The following OR13G1 variants were observed in gnomAD, a reference collection of about 807,000 sequenced individuals.
OR13G1 encodes the protein olfactory receptor family 13 subfamily G member 1.
For synonymous variants in OR13G1, 128 were observed against 136.2 expected, an observed-to-expected ratio of 0.94 and a Z score of 0.42; for missense variants, 369 against 385.7, an observed-to-expected ratio of 0.96 and a Z score of 0.36.
rs750215325 is a variant in OR13G1 at position 247,672,238 on chromosome 1, G to T, written c.804C>A (p.Asp268Glu). 5.6e-6 allele frequency: 9 copies of T among 1,613,940 alleles called. No individual in the cohort carries two copies. Among genetic ancestry groups the T allele is most frequent in the Admixed American group, 1.7e-5 (1 of 59,986 alleles). ...GAGTATAGAGTGCAGCTACCACCTT[G>T]TCTCTTTCAAATGTATAGCTGGAAG... is the stretch of plus-strand genomic sequence containing the variant. ...RPASSYTFERDKVVAALYTLV... is the reference protein window; with the variant it reads ...RPASSYTFEREKVVAALYTLV... Residue 268 changes from aspartate to glutamate, a missense_variant, in exon 2 of 2, where the codon GAC becomes GAA. Transcript: ENST00000642119.
intron 1 of OR13G1, among the ~76,000 whole-genome samples, chr1:247,674,149 C>T (rs781026342): frequency 3.3e-5 from 5 of 152,320 alleles, no homozygotes; most frequent in Admixed American, 1.3e-4. Context: ...GCAGGGATTA[C>T]AGGCATGAGC....
chr1:247,672,222 G>T lies in OR13G1; in HGVS notation c.820C>A (p.Leu274Ile). The change falls in exon 2 of 2, where the codon CTC (leucine) becomes ATC (isoleucine). Residue 274 changes from leucine (L) to isoleucine (I), a missense_variant. Physicochemically the swap from Leu to Ile is conservative, Grantham distance 5. Coordinates refer to ENST00000642119, the MANE Select transcript of OR13G1 (RefSeq NM_001005487.2). ...TFERDKVVAA[L>I]YTLVTPTLNP... ...AATGTGGGAGTCACAAGAGTATAGA[G>T]TGCAGCTACCACCTTGTCTCTTTCA... The T allele has an allele frequency of 6.2e-7, 1 of 1,614,076 alleles. No individual in the cohort carries two copies.
intron 1 of OR13G1, among the ~76,000 whole-genome samples, chr1:247,678,329 T>C (rs1659392685): frequency 6.6e-6 from 1 of 152,200 alleles, no homozygotes. Flanking sequence ...CATTACATCA[T>C]TATCATCATC....
intron 1 of OR13G1, among the ~76,000 whole-genome samples, 126 bp downstream of exon 1, chr1:247,679,486 TTGTGTGTGTGTGTGTGTGTGTGTGTGTG>T (rs56753299): frequency 1.2e-4 from 17 of 144,520 alleles, no homozygotes; most frequent in Non-Finnish European, 2.0e-4. Context: ...CGCGGATGGA[TTGTGTGTGTGTGTGTGTGTGTGTGTGTG>T]TGTGTGTGTG....
intron 1 of OR13G1, among the ~76,000 whole-genome samples, chr1:247,676,354 A>G (rs1024877376): frequency 6.6e-6 from 1 of 152,156 alleles, no homozygotes; most frequent in African/African-American, 2.4e-5. Flanking sequence ...GTTTTTTACT[A>G]TTTAATGGAA....
chr1:247,673,271 T>C lies in OR13G1; in HGVS notation c.-230A>G, dbSNP rs1370908010. 3 of 489,682 alleles carry C rather than the reference T, an allele frequency of 6.1e-6. No individual in the cohort carries two copies. Among genetic ancestry groups the C allele is most frequent in the Non-Finnish European group, 1.1e-5 (3 of 278,802 alleles). The allele number at this position is 489,682 out of a possible 1,614,324, so 30.3% of individuals were successfully genotyped here. A position where few individuals can be genotyped will look rare whatever the true frequency, so the allele number is the denominator to read the frequency against. ...TCTCTGATGTATGTTCCTCCATTGA[T>C]GACTCAAACTGAAGCCAGTGGTTGA... On this transcript the variant is annotated 5_prime_UTR_variant, in exon 2 of 2. Transcript: ENST00000642119.
Sources: allele counts gnomAD v4.1 joint callset (sites outside exome capture counted in the v4.1 genomes callset), GRCh38; gene constraint gnomAD v4.1.1; transcripts MANE v1.5; gene names NCBI Gene and HGNC (gene_info 2026-07-23, HGNC 2026-07-21).